SPATA20: variants seen among roughly 807,000 people sequenced by gnomAD.
The protein encoded by SPATA20 is spermatogenesis-associated protein 20.
In SPATA20, 74 loss-of-function variants were observed where a neutral mutation model predicts 98.9. The ratio of observed to expected loss-of-function variants is 0.75; its 90% CI spans 0.62 to 0.91. The LOEUF (loss-of-function observed/expected upper bound fraction) is 0.91. Among genes scored for constraint, SPATA20 ranks in the 40% least tolerant of loss-of-function variants. The pLI is 0.00. For synonymous variants in SPATA20, 430 were observed against 440.5 expected (o/e 0.98, Z 0.30); for missense variants, 1,016 against 1,069.8 (o/e 0.95, Z 0.70).
intron 1 of SPATA20, 149 bp from the exon 2 acceptor site, chr17:50,547,571 C>T: frequency 1.4e-6 from 1 of 711,888 alleles, no homozygotes; most frequent in Non-Finnish European, 2.6e-6. Flanking sequence ...TTCCTTGCAC[C>T]CCAGTGCTGG....
Position 50,549,486 on chromosome 17 carries a change from G to A in SPATA20, c.861G>A (p.Pro287=), listed in dbSNP as rs148887910. 4.8e-4 allele frequency: 766 copies of A among 1,610,902 alleles called. 1 individual carries two copies. The East Asian group carries it at 7.3e-3, about 15-fold the overall frequency. ...CTGAGGCCCCCAAGTTTCCCACGCCGGGTCAGTGCCCCACGCCCGCCTTAG... is the reference window on the plus strand; with the variant it reads ...CTGAGGCCCCCAAGTTTCCCACGCCAGGTCAGTGCCCCACGCCCGCCTTAG... ...GFAEAPKFPT[P]VILSFLFSYW... Residue 287 remains proline, a splice_region_variant and synonymous_variant, in exon 7 of 17, where the codon CCG becomes CCA. Coordinates refer to ENST00000006658, the MANE Select transcript of SPATA20 (RefSeq NM_022827.4).
intron 4 of SPATA20, 79 bp from the exon 5 acceptor site, chr17:50,548,731 C>G: frequency 2.5e-6 from 4 of 1,591,384 alleles, no homozygotes; most frequent in Non-Finnish European, 3.4e-6. Flanking sequence ...AGGACGTCTT[C>G]CATGTAGCCA....
chr17:50,555,056 A>T (rs1415857702), intron 15 of SPATA20, among the ~76,000 whole-genome samples, 176 bp from the exon 16 acceptor site: 1 of 149,452 alleles, frequency 6.7e-6, no homozygotes, highest in Non-Finnish European at 1.5e-5. Flanking sequence ...CTCATGTGTG[A>T]GTGTGTGTGT....
rs1397693054 is a variant in SPATA20, at chr17:50,548,734, T to A, written c.362-76T>A. 6.3e-6 allele frequency: 10 copies of A among 1,592,938 alleles called. No homozygotes were observed. In the East Asian group the frequency reaches 2.2e-4, roughly 36 times the overall value. Reference sequence around the variant, plus strand: ...AGACTAGAGGCCAGGACGTCTTCCATGTAGCCAGGGCCACTTGGCCAGCCT... The same window carrying A: ...AGACTAGAGGCCAGGACGTCTTCCAAGTAGCCAGGGCCACTTGGCCAGCCT... On this transcript the variant is annotated intron_variant, in intron 4 of 16. Transcript: ENST00000006658.
chr17:50,547,999 A>G, intron 2 of SPATA20: 1 of 1,479,944 alleles, frequency 6.8e-7, no homozygotes, highest in Non-Finnish European at 8.9e-7. Context: ...CATTCTGCCC[A>G]TTGTGACCCG....
At chr17:50,550,177 G>A (rs2034988466) in intron 8 of SPATA20, 31 bp from the exon 9 acceptor site, 2 of 1,612,468 alleles carry the variant, frequency 1.2e-6, no homozygotes, top group East Asian at 4.5e-5. Context: ...GGCAGAAGCT[G>A]GGACTGGCCT....
chr17:50,550,175 C>G (rs751255651), intron 8 of SPATA20, 33 bp from the exon 9 acceptor site: 26 of 1,612,316 alleles, frequency 1.6e-5, no homozygotes, highest in Non-Finnish European at 2.1e-5. Flanking sequence ...GGGGCAGAAG[C>G]TGGGACTGGC....
In SPATA20 at chr17:50,550,995, C is replaced by T. The variant is rs764355706; in HGVS notation, c.1384-3C>T. 6.2e-7 allele frequency: 1 copy of T among 1,613,190 alleles called. No individual in the cohort carries two copies. Among genetic ancestry groups the T allele is most frequent in the Non-Finnish European group, 8.5e-7 (1 of 1,179,898 alleles). On this transcript the variant is annotated splice_polypyrimidine_tract_variant and splice_region_variant and intron_variant, in intron 11 of 16. Coordinates refer to ENST00000006658, the MANE Select transcript of SPATA20 (RefSeq NM_022827.4). ...GCTCGCAGACAAAGGCCATTCTCCT[C>T]AGGACCCCAAGGGGGAGCTGCAGGG...
In SPATA20 at chr17:50,555,614, A is replaced by G; in HGVS notation, c.2361A>G (p.Ser787=). The change falls in exon 17 of 17, where the codon TCA becomes TCG. Residue 787 remains serine (S), a synonymous_variant. Transcript: ENST00000006658. ...TAYVCENQAC[S]VPITDPCELR... is the part of the protein sequence containing the mutation. ...ATGTGTGTGAGAATCAAGCCTGCTC[A>G]GTGCCCATCACTGATCCCTGCGAAT... 1 of 1,614,080 alleles carries G rather than the reference A, an allele frequency of 6.2e-7. No homozygotes were observed.
Position 50,551,986 on chromosome 17 carries a change from G to C in SPATA20, c.1763G>C (p.Gly588Ala), listed in dbSNP as rs1289033834. 6.2e-7 allele frequency: 1 copy of C among 1,605,264 alleles called. No homozygotes were observed. The highest frequency in any genetic ancestry group is 1.7e-5 in the Admixed American group (1 of 58,704). Residue 588 changes from glycine to alanine, a missense_variant, in exon 14 of 17, where the codon GGC becomes GCC. Gly to Ala is a moderately conservative substitution (Grantham distance 60). Coordinates refer to ENST00000006658, the MANE Select transcript of SPATA20 (RefSeq NM_022827.4). Reference protein sequence around the residue: ...TVEHSNPPCWGFLEDYAFVVR... With the variant: ...TVEHSNPPCWAFLEDYAFVVR... ...TCCCCCAGCAACCCACCCTGCTGGGGCTTCCTGGAGGACTACGCCTTCGTG... is the reference window on the plus strand; with the variant it reads ...TCCCCCAGCAACCCACCCTGCTGGGCCTTCCTGGAGGACTACGCCTTCGTG...
intron 16 of SPATA20, 57 bp downstream of exon 16, chr17:50,555,369 T>C: frequency 6.3e-7 from 1 of 1,593,578 alleles, no homozygotes; most frequent in Non-Finnish European, 8.6e-7. Context: ...CCTCCCATCC[T>C]CAGCTCCTCA....
chr17:50,548,512 C>T, intron 3 of SPATA20, 42 bp from the exon 4 acceptor site: 1 of 1,613,142 alleles, frequency 6.2e-7, no homozygotes, highest in Non-Finnish European at 8.5e-7. Flanking sequence ...CCCTCCCAGA[C>T]CCCCTGGGCT....
rs147500920 is a variant in SPATA20 at position 50,554,320 on chromosome 17, C to T, written c.2027C>T (p.Thr676Met). ...AHNLLRLHGF[T>M]GHKDWMDKCV... The stretch of plus-strand genomic sequence containing the variant: ...AACCTGCTCCGGCTGCATGGCTTCA[C>T]GGGCCACAAGGACTGGATGGACAAG... Residue 676 changes from threonine to methionine, a missense_variant, in exon 15 of 17, where the codon ACG becomes ATG. By Grantham distance (81) the Thr-to-Met change is moderately conservative. Coordinates refer to ENST00000006658, the MANE Select transcript of SPATA20 (RefSeq NM_022827.4). The T allele has an allele frequency of 1.6e-5, 26 of 1,614,088 alleles. No individual in the cohort carries two copies. The highest frequency in any genetic ancestry group is 4.4e-5 in the South Asian group (4 of 91,086).
At position 50,551,680 on chromosome 17, in the gene SPATA20, G is replaced by C. The variant is rs201832898; in HGVS notation, c.1745+1G>C. ...GCCCTGGGGGGACTGTGGAGCACAGGTTGGGGGCTGGGTAGACCGGGAGGG... is the reference window on the plus strand; with the variant it reads ...GCCCTGGGGGGACTGTGGAGCACAGCTTGGGGGCTGGGTAGACCGGGAGGG... On this transcript the variant is annotated splice_donor_variant, in intron 13 of 16. Coordinates refer to ENST00000006658, the MANE Select transcript of SPATA20 (RefSeq NM_022827.4). LOFTEE classifies it high-confidence loss of function. The C allele has an allele frequency of 6.3e-7, 1 of 1,586,518 alleles. No homozygotes were observed. The highest frequency in any genetic ancestry group is 1.7e-5 in the Admixed American group (1 of 59,530).
intron 1 of SPATA20, 87 bp from the exon 2 acceptor site, chr17:50,547,633 C>T (rs1368149968): frequency 2.6e-6 from 2 of 773,304 alleles, no homozygotes; most frequent in African/African-American, 3.4e-5. Flanking sequence ...TGTCACAGTC[C>T]TTTATTGCTG....
intron 14 of SPATA20, 73 bp from the exon 15 acceptor site, chr17:50,554,178 A>G (rs1000473717): frequency 3.0e-5 from 42 of 1,401,416 alleles, no homozygotes; most frequent in Non-Finnish European, 3.8e-5. Flanking sequence ...GGCCCTGGAT[A>G]CAGTCCTGGG....
At chr17:50,548,694 G>A in intron 4 of SPATA20, 76 bp downstream of exon 4, 2 of 1,589,478 alleles carry the variant, frequency 1.3e-6, no homozygotes, top group South Asian at 2.2e-5. Context: ...CTCTCGGCCT[G>A]GCGGGTCTTC....
In SPATA20 at chr17:50,548,215, G is replaced by C. The variant is rs1033960648; in HGVS notation, c.126-68G>C. 1.9e-6 allele frequency: 3 copies of C among 1,568,964 alleles called. No individual in the cohort carries two copies. In the African/African-American group the frequency reaches 4.1e-5, roughly 21 times the overall value. On this transcript the variant is annotated intron_variant, in intron 2 of 16. Transcript: ENST00000006658. Reference sequence around the variant, plus strand: ...CTGGGGTGCTGAGTGAAATGGAGCAGGTGCTGGGGGGCCTGGGAGAAGGTG... The same window carrying C: ...CTGGGGTGCTGAGTGAAATGGAGCACGTGCTGGGGGGCCTGGGAGAAGGTG...
Position 50,550,740 on chromosome 17 carries a change from C to T in SPATA20, c.1206C>T (p.Asp402=), listed in dbSNP as rs2034998085. 6.2e-7 allele frequency: 1 copy of T among 1,613,094 alleles called. No individual in the cohort carries two copies. Among genetic ancestry groups the T allele is most frequent in the Non-Finnish European group, 8.5e-7 (1 of 1,179,954 alleles). ...GCTTCTATAGCGCAGAAGATGCAGA[C>T]TCGCCCCCAGAGCGGGGCCAGCGGC... ...SGGFYSAEDA[D]SPPERGQRPK... The change falls in exon 11 of 17, where the codon GAC becomes GAT. Residue 402 remains aspartate (D), a synonymous_variant. Transcript: ENST00000006658.
Sources: gnomAD v4.1 joint callset for allele counts (sites outside exome capture counted in the v4.1 genomes callset) on GRCh38, gnomAD v4.1.1 for gene constraint, MANE v1.5 for transcripts, NCBI Gene and HGNC (gene_info 2026-07-23, HGNC 2026-07-21) for gene names.